Variants in ST18 observed in about 807,000 individuals in gnomAD.
ST18 encodes ST18 C2H2C-type zinc finger transcription factor.
Under a neutral mutation model 110.0 loss-of-function variants are expected in ST18, and 50 were observed. The observed-to-expected ratio is 0.45, with a 90% CI of 0.36 to 0.58. The LOEUF is 0.58. Among genes scored for constraint, ST18 ranks in the 20% least tolerant of loss-of-function variants. ST18 has a pLI of 0.00. For missense variants in ST18, 1,306 were observed against 1,280.1 expected (o/e 1.02, Z -0.31); for synonymous variants, 461 against 452.4 (o/e 1.02, Z -0.24).
rs374788291 is a variant in ST18 at position 52,227,320 on chromosome 8, C to T, written c.-419+2712G>A. Among the ~76,000 whole-genome samples the T allele has an allele frequency of 5.9e-5, 9 of 152,096 alleles. No individual in the cohort carries two copies. In the East Asian group the frequency reaches 1.5e-3, roughly 26 times the overall value. On this transcript the variant is annotated intron_variant, in intron 3 of 25. Coordinates refer to ENST00000689386, the MANE Select transcript of ST18 (RefSeq NM_001352837.2). ...GGATACATAAAGCACAACTCTTGTTCTCAAGAGCTCAAACCAGGAAGTTGA... is the reference window on the plus strand; with the variant it reads ...GGATACATAAAGCACAACTCTTGTTTTCAAGAGCTCAAACCAGGAAGTTGA...
intron 2 of ST18, among the ~76,000 whole-genome samples, chr8:52,230,636 G>T (rs191729450): frequency 2.0e-5 from 3 of 151,914 alleles, no homozygotes; most frequent in East Asian, 3.9e-4. Context: ...CGGGGTGGGG[G>T]CATGTTGTGT....
intron 2 of ST18, among the ~76,000 whole-genome samples, chr8:52,266,501 G>A (rs2094874424): frequency 6.6e-6 from 1 of 151,884 alleles, no homozygotes; most frequent in Non-Finnish European, 1.5e-5. Flanking sequence ...TAGGATGGCA[G>A]GCAGATCTCA....
chr8:52,186,622 A>T (rs2072354569), intron 8 of ST18, among the ~76,000 whole-genome samples: 1 of 152,214 alleles, frequency 6.6e-6, no homozygotes, highest in African/African-American at 2.4e-5. Flanking sequence ...TAATATTCAC[A>T]GCAGTAGTCT....
intron 2 of ST18, among the ~76,000 whole-genome samples, chr8:52,282,218 A>G (rs1025858684): frequency 2.6e-5 from 4 of 152,140 alleles, no homozygotes; most frequent in Non-Finnish European, 5.9e-5. Flanking sequence ...GGAAAAAAAG[A>G]AGAAAAAACC....
chr8:52,375,161 A>G (rs1294209306), intron 2 of ST18, among the ~76,000 whole-genome samples: 1 of 151,968 alleles, frequency 6.6e-6, no homozygotes, highest in Non-Finnish European at 1.5e-5. Flanking sequence ...TTTGGGCAGC[A>G]TCATTCCCAG....
chr8:52,131,076 C>A (rs190516113), intron 22 of ST18, among the ~76,000 whole-genome samples: 72 of 152,302 alleles, frequency 4.7e-4, no homozygotes, highest in Non-Finnish European at 8.8e-4. Context: ...ATTTAAATAT[C>A]TTTAAACAAG....
intron 2 of ST18, among the ~76,000 whole-genome samples, chr8:52,348,859 T>C (rs918938448): frequency 6.6e-6 from 1 of 152,248 alleles, no homozygotes; most frequent in Non-Finnish European, 1.5e-5. Context: ...AGTTATCATT[T>C]GTGTTCTGGG....
At chr8:52,118,085 C>T (rs147837160) in intron 24 of ST18, among the ~76,000 whole-genome samples, 1 of 152,226 alleles carries the variant, frequency 6.6e-6, no homozygotes, top group East Asian at 1.9e-4. Flanking sequence ...GGATGATCTG[C>T]CTTGTTTGCT....
At chr8:52,334,047 T>C (rs1483151617) in intron 2 of ST18, among the ~76,000 whole-genome samples, 2 of 152,150 alleles carry the variant, frequency 1.3e-5, no homozygotes, top group Non-Finnish European at 2.9e-5. Flanking sequence ...TCAGACGAGG[T>C]GATAAAAATG....
At chr8:52,227,988 A>T (rs2090053343) in intron 3 of ST18, among the ~76,000 whole-genome samples, 1 of 152,190 alleles carries the variant, frequency 6.6e-6, no homozygotes, top group African/African-American at 2.4e-5. Flanking sequence ...AAAAAATAAC[A>T]CTTTTCAGAT....
chr8:52,156,646 C>T (rs1052578530), intron 15 of ST18, among the ~76,000 whole-genome samples: 11 of 152,136 alleles, frequency 7.2e-5, no homozygotes, highest in African/African-American at 2.7e-4. Context: ...CTTGTTAATT[C>T]AGGAATAAAT....
chr8:52,384,420 C>T (rs1835763401), intron 2 of ST18, among the ~76,000 whole-genome samples: 1 of 152,082 alleles, frequency 6.6e-6, no homozygotes, highest in Admixed American at 6.5e-5. Context: ...CCTCCCACTT[C>T]GTTCTTTCCT....
rs369400892 is a variant in ST18 at position 52,221,581 on chromosome 8, T to C, written c.-265+59A>G. ...TTTATACAAACATCACGTGTATCCA[T>C]GCACATTTAAAATGTTTATGTCTGG... On this transcript the variant is annotated intron_variant, in intron 4 of 25. Transcript: ENST00000689386. 4 of 152,342 alleles carry C rather than the reference T, an allele frequency of 2.6e-5. No homozygotes were observed. The East Asian group carries it at 7.7e-4, about 29-fold the overall frequency. The allele number at this position is 152,342 out of a possible 1,614,324, so 9.4% of individuals were successfully genotyped here.
intron 2 of ST18, among the ~76,000 whole-genome samples, chr8:52,243,959 A>G (rs2093646917): frequency 6.6e-6 from 1 of 152,122 alleles, no homozygotes. Flanking sequence ...CCTGGATCCT[A>G]TGGCTTCTTC....
At chr8:52,372,682 C>T (rs147504151) in intron 2 of ST18, among the ~76,000 whole-genome samples, 69 of 152,304 alleles carry the variant, frequency 4.5e-4, no homozygotes, top group Admixed American at 5.2e-4. Context: ...CCTACAGTAG[C>T]ATGCTGTACA....
At chr8:52,389,970 T>C (rs890150235) in intron 2 of ST18, among the ~76,000 whole-genome samples, 34 of 152,138 alleles carry the variant, frequency 2.2e-4, no homozygotes, top group Admixed American at 1.7e-3. Context: ...TAATTAAACA[T>C]TTAAATATCT....
chr8:52,385,271 C>T (rs1028577972), intron 2 of ST18, among the ~76,000 whole-genome samples: 1 of 152,142 alleles, frequency 6.6e-6, no homozygotes, highest in African/African-American at 2.4e-5. Flanking sequence ...CTATGGTATC[C>T]TATACAGCTC....
chr8:52,347,305 C>T (rs978237074), intron 2 of ST18, among the ~76,000 whole-genome samples: 3 of 152,134 alleles, frequency 2.0e-5, no homozygotes, highest in African/African-American at 4.8e-5. Flanking sequence ...AGATGGAATG[C>T]AGACATTCCT....
At chr8:52,269,375 C>G (rs143023286) in intron 2 of ST18, among the ~76,000 whole-genome samples, 1 of 152,168 alleles carries the variant, frequency 6.6e-6, no homozygotes, top group African/African-American at 2.4e-5. Context: ...TAATGTAGTT[C>G]TGGGAAACCA....
Sources: gnomAD v4.1 joint callset for allele counts (sites outside exome capture counted in the v4.1 genomes callset) on GRCh38, gnomAD v4.1.1 for gene constraint, MANE v1.5 for transcripts, NCBI Gene and HGNC (gene_info 2026-07-23, HGNC 2026-07-21) for gene names.